Variants in GPRC5C observed in about 807,000 individuals in gnomAD.
GPRC5C encodes G protein-coupled receptor family C group 5 member C.
GPRC5C carries 22 observed loss-of-function variants against 31.4 expected under a neutral mutation model. The ratio of observed to expected loss-of-function variants is 0.70; its 90% confidence interval spans 0.50 to 1.00. GPRC5C has a LOEUF of 1.00. GPRC5C is among the 50% of genes least tolerant of loss of function. GPRC5C has a pLI of 0.00. For synonymous variants in GPRC5C, 249 were observed against 257.5 expected, an observed-to-expected ratio of 0.97 and a Z score of 0.32; for missense variants, 557 against 597.2, an observed-to-expected ratio of 0.93 and a Z score of 0.70.
At chr17:74,444,033 AG>A (rs2055587113) in intron 3 of GPRC5C, 121 bp downstream of exon 3, 1 of 688,330 alleles carries the variant, frequency 1.5e-6, no homozygotes, top group Non-Finnish European at 2.6e-6. Flanking sequence ...GGGGAAGGCA[AG>A]CTTCTCCATC....
intron 2 of GPRC5C, among the ~76,000 whole-genome samples, chr17:74,441,244 T>G (rs2055535249): frequency 6.6e-6 from 1 of 151,930 alleles, no homozygotes; most frequent in Non-Finnish European, 1.5e-5. Context: ...GCCACTACAC[T>G]CCAGCCTGGG....
intron 1 of GPRC5C, among the ~76,000 whole-genome samples, chr17:74,434,416 A>G (rs1240595533): frequency 6.6e-6 from 1 of 152,216 alleles, no homozygotes; most frequent in Non-Finnish European, 1.5e-5. Context: ...CAGCTGTGGC[A>G]GTGGATTCTA....
chr17:74,434,032 A>AAGGAGGG (rs1399635534), intron 1 of GPRC5C, among the ~76,000 whole-genome samples: 1 of 152,024 alleles, frequency 6.6e-6, no homozygotes, highest in Admixed American at 6.5e-5. Flanking sequence ...CTGGAGAGAG[A>AAGGAGGG]AGGAGGGAGG....
At chr17:74,436,340 C>T (rs1598427128) in intron 1 of GPRC5C, among the ~76,000 whole-genome samples, 2 of 152,134 alleles carry the variant, frequency 1.3e-5, no homozygotes, top group East Asian at 1.9e-4. Context: ...CAGGGCTTAG[C>T]TTTTGGGTGT....
In GPRC5C at chr17:74,440,716, G is replaced by T. The variant is rs374443973; in HGVS notation, c.940G>T (p.Gly314Trp). Residue 314 changes from glycine to tryptophan, a missense_variant, in exon 2 of 4, where the codon GGG (glycine) becomes TGG (tryptophan). Gly to Trp is a radical substitution (Grantham distance 184, BLOSUM62 -2). Transcript: ENST00000392627. This position sits in a 1 kb window ranked among gnomAD's most constrained non-coding sequence, Gnocchi z 4.4. ...GTCCAGCCCAGAGCAAAGCTACCAG[G>T]GGGACATGTACCCCACCCGGGGCGT... is the stretch of plus-strand genomic sequence containing the variant. ...TKSSPEQSYQGDMYPTRGVGY... is the reference protein window; with the variant it reads ...TKSSPEQSYQWDMYPTRGVGY... The T allele has an allele frequency of 1.6e-4, 256 of 1,603,798 alleles. No individual in the cohort carries two copies. The highest frequency in any genetic ancestry group is 2.1e-4 in the Non-Finnish European group (250 of 1,172,600).
intron 2 of GPRC5C, among the ~76,000 whole-genome samples, chr17:74,442,789 G>C (rs1276311219): frequency 2.0e-5 from 3 of 152,202 alleles, no homozygotes; most frequent in African/African-American, 7.2e-5. Context: ...TGAGGTGCTG[G>C]CCTCACCCCT....
In GPRC5C at chr17:74,440,495, A is replaced by T; in HGVS notation, c.719A>T (p.Lys240Met). ...TGTGGCCGCTACAAGCGCTGGCGTA[A>T]GCATGGGGTCTTTGTGCTCCTCACC... is the stretch of plus-strand genomic sequence containing the variant. The part of the protein sequence containing the change: ...ALCGRYKRWR[K>M]HGVFVLLTTA... Residue 240 changes from lysine to methionine, a missense_variant, in exon 2 of 4, where the codon AAG becomes ATG. Lys to Met is a moderately conservative substitution (Grantham distance 95). Coordinates refer to ENST00000392627, the MANE Select transcript of GPRC5C (RefSeq NM_022036.4). The surrounding 1 kb of genome is among the most constrained non-coding windows in gnomAD (Gnocchi z 4.4). 1 of 1,614,156 alleles carries T rather than the reference A, an allele frequency of 6.2e-7. No individual in the cohort carries two copies. Among genetic ancestry groups the T allele is most frequent in the Non-Finnish European group, 8.5e-7 (1 of 1,180,034 alleles).
intron 1 of GPRC5C, among the ~76,000 whole-genome samples, chr17:74,436,684 G>T (rs1385514292): frequency 6.6e-6 from 1 of 152,160 alleles, no homozygotes; most frequent in Non-Finnish European, 1.5e-5. Flanking sequence ...TGGAGTAATT[G>T]CCTGTTCTAA....
intron 1 of GPRC5C, chr17:74,433,865 G>A: frequency 1.2e-6 from 1 of 854,796 alleles, no homozygotes; most frequent in Non-Finnish European, 2.0e-6. Context: ...TGTGGATGAT[G>A]CTGGAGCGAG....
At chr17:74,433,547 A>C (rs1266453957) in intron 1 of GPRC5C, 6 of 675,746 alleles carry the variant, frequency 8.9e-6, no homozygotes, top group Non-Finnish European at 1.6e-5. Flanking sequence ...AGCGCCCTGC[A>C]CAGAGGGGTG....
chr17:74,432,675 G>T (rs2055372564), intron 1 of GPRC5C, among the ~76,000 whole-genome samples: 2 of 147,470 alleles, frequency 1.4e-5, no homozygotes, highest in Non-Finnish European at 3.0e-5. Flanking sequence ...TCAAACCCGA[G>T]CCGGCTGGGG....
chr17:74,442,707 T>A (rs961660904), intron 2 of GPRC5C, among the ~76,000 whole-genome samples: 1 of 152,236 alleles, frequency 6.6e-6, no homozygotes, highest in Non-Finnish European at 1.5e-5. Context: ...GAAATCCTCA[T>A]AATCCCTGCT....
downstream of GPRC5C, chr17:74,451,434 TAGG>T (rs770787744): frequency 1.3e-5 from 2 of 152,166 alleles, no homozygotes; most frequent in Non-Finnish European, 2.9e-5. Flanking sequence ...GATGAGTTCT[TAGG>T]AGGAGAGAGG....
chr17:74,439,843 G>T lies in GPRC5C; in HGVS notation c.67G>T (p.Ala23Ser). 2.5e-6 allele frequency: 4 copies of T among 1,613,490 alleles called. No homozygotes were observed. Among genetic ancestry groups the T allele is most frequent in the Non-Finnish European group, 3.4e-6 (4 of 1,179,984 alleles). ...TCTCTTCCTGTTCCCAGGGGCCTGG[G>T]CCCAGGGCCATGTCCCACCCGGCTG... Reference protein sequence around the residue: ...LPLFLFPGAWAQGHVPPGCSQ... With the variant: ...LPLFLFPGAWSQGHVPPGCSQ... The change falls in exon 2 of 4, where the codon GCC (alanine) becomes TCC (serine). Residue 23 changes from alanine (A) to serine (S), a missense_variant. Coordinates refer to ENST00000392627, the MANE Select transcript of GPRC5C (RefSeq NM_022036.4).
Position 74,433,807 on chromosome 17 carries a change from A to T in GPRC5C, c.-33+1666A>T, listed in dbSNP as rs1040887080. 4 of 1,350,658 alleles carry T rather than the reference A, an allele frequency of 3.0e-6. No individual in the cohort carries two copies. In the African/African-American group the frequency reaches 5.7e-5, roughly 19 times the overall value. 83.7% of individuals were successfully genotyped at this position (1,350,658 alleles called of 1,614,324 possible). A position where few individuals can be genotyped will look rare whatever the true frequency, so the allele number is the denominator to read the frequency against. On this transcript the variant is annotated intron_variant, in intron 1 of 3. Transcript: ENST00000392627. Reference sequence around the variant, plus strand: ...TGTGACGCGCTGGAGCTCTCTTTCCAGTGCGGTATCCTTGGCCCTGGTGGG... The same window carrying T: ...TGTGACGCGCTGGAGCTCTCTTTCCTGTGCGGTATCCTTGGCCCTGGTGGG...
At chr17:74,436,015 T>G (rs971232400) in intron 1 of GPRC5C, among the ~76,000 whole-genome samples, 1 of 152,240 alleles carries the variant, frequency 6.6e-6, no homozygotes, top group Non-Finnish European at 1.5e-5. Context: ...AACAAATCGA[T>G]TGCCTGTGCA....
chr17:74,440,019 C>A lies in GPRC5C; in HGVS notation c.243C>A (p.Thr81=). 6.2e-7 allele frequency: 1 copy of A among 1,610,362 alleles called. No homozygotes were observed. The highest frequency in any genetic ancestry group is 8.5e-7 in the Non-Finnish European group (1 of 1,179,990). The change falls in exon 2 of 4, where the codon ACC becomes ACA. Residue 81 remains threonine (T), a synonymous_variant. Coordinates refer to ENST00000392627, the MANE Select transcript of GPRC5C (RefSeq NM_022036.4). The surrounding 1 kb of genome is among the most constrained non-coding windows in gnomAD (Gnocchi z 4.4). ...LVASLPFVQD[T]KKRSLLGTQV... ...CCAGCCTCCCCTTTGTGCAGGACAC[C>A]AAGAAACGGAGCCTGCTGGGGACCC... is the stretch of plus-strand genomic sequence containing the variant.
chr17:74,449,194 A>G (rs2055685549), downstream of GPRC5C: 1 of 401,092 alleles, frequency 2.5e-6, no homozygotes, highest in Non-Finnish European at 4.8e-6. Flanking sequence ...AAGAAAAAAT[A>G]AACTTCTCCC....
chr17:74,441,748 C>T (rs1174744008), intron 2 of GPRC5C, among the ~76,000 whole-genome samples: 1 of 151,512 alleles, frequency 6.6e-6, no homozygotes, highest in Non-Finnish European at 1.5e-5. Flanking sequence ...TGCCTGAGCC[C>T]AGGAGGTTGA....
Sources: gnomAD v4.1 joint callset for allele counts (sites outside exome capture counted in the v4.1 genomes callset) on GRCh38, gnomAD v4.1.1 for gene constraint, Gnocchi (gnomAD v3.1) non-coding constraint, MANE v1.5 for transcripts, NCBI Gene and HGNC (gene_info 2026-07-23, HGNC 2026-07-21) for gene names.